The following SORL1 variants were observed in gnomAD, a reference collection of about 807,000 sequenced individuals.
The protein encoded by SORL1 is sortilin-related receptor.
A neutral mutation model predicts 273.7 loss-of-function variants in SORL1; 127 were observed. That is an observed-to-expected ratio of 0.46 (90% CI 0.40 to 0.54). SORL1 has a LOEUF of 0.54. Ranked by LOEUF, SORL1 falls within the 20% of genes least tolerant of loss-of-function variation. The pLI is 0.00. For missense variants in SORL1, 2,494 were observed against 2,846.1 expected, an observed-to-expected ratio of 0.88 and a Z score of 2.81; for synonymous variants, 1,031 against 1,067.4, an observed-to-expected ratio of 0.97 and a Z score of 0.66.
In SORL1 at chr11:121,607,959, C is replaced by G. The variant is rs183625857; in HGVS notation, c.5167-145C>G. On this transcript the variant is annotated intron_variant, in intron 37 of 47. Coordinates refer to ENST00000260197, the MANE Select transcript of SORL1 (RefSeq NM_003105.6). ...GCCCTCTTATTTCAGATGCTGGGGC[C>G]TCTGAATATTCTGGATCACTCTGTA... 2.1e-3 allele frequency: 1,265 copies of G among 613,040 alleles called. 4 individuals are homozygous for G. The highest frequency in any genetic ancestry group is 3.9e-3 in the Admixed American group (121 of 30,750). The allele number at this position is 613,040 out of a possible 1,614,324, so 38.0% of individuals were successfully genotyped here.
chr11:121,523,303 G>A (rs1292812630), intron 11 of SORL1, among the ~76,000 whole-genome samples: 1 of 152,142 alleles, frequency 6.6e-6, no homozygotes, highest in African/African-American at 2.4e-5. Context: ...GGCATGGAGT[G>A]GGGGCTCAGG....
chr11:121,488,965 A>AG (rs1348531985), intron 4 of SORL1, among the ~76,000 whole-genome samples: 1 of 152,198 alleles, frequency 6.6e-6, no homozygotes, highest in Non-Finnish European at 1.5e-5. Flanking sequence ...GGGCTGGGTC[A>AG]GTTTACCAGC....
At position 121,620,967 on chromosome 11, in the gene SORL1, C is replaced by T; in HGVS notation, c.5890-97C>T. The T allele has an allele frequency of 2.3e-6, 2 of 867,850 alleles. 1 individual carries two copies. The highest frequency in any genetic ancestry group is 3.6e-5 in the South Asian group (2 of 55,832). 53.8% of individuals were successfully genotyped at this position (867,850 alleles called of 1,614,324 possible). On this transcript the variant is annotated intron_variant, in intron 43 of 47. Coordinates refer to ENST00000260197, the MANE Select transcript of SORL1 (RefSeq NM_003105.6). ...ACTCAAACTCTTGTTGCTGTGGGTC[C>T]CAGCTATTAATATACTACATTGTCC...
intron 25 of SORL1, among the ~76,000 whole-genome samples, chr11:121,580,454 T>C (rs1028352407): frequency 2.0e-5 from 3 of 152,192 alleles, no homozygotes; most frequent in Admixed American, 6.5e-5. Flanking sequence ...TTTCCATGAG[T>C]ATACGTTTTG....
intron 6 of SORL1, among the ~76,000 whole-genome samples, chr11:121,509,823 C>G (rs1177479698): frequency 6.6e-6 from 1 of 152,160 alleles, no homozygotes; most frequent in Non-Finnish European, 1.5e-5. Flanking sequence ...TAAAAAAAAT[C>G]TTCTTATAAA....
chr11:121,493,720 G>T (rs540087909), intron 5 of SORL1, among the ~76,000 whole-genome samples: 2 of 152,220 alleles, frequency 1.3e-5, no homozygotes, highest in Non-Finnish European at 2.9e-5. Flanking sequence ...ACTTTTACTT[G>T]TAATTTTAGT....
rs12275451 is a variant in SORL1, at chr11:121,559,972, A to C, written c.3049+315A>C. On this transcript the variant is annotated intron_variant, in intron 21 of 47. Coordinates refer to ENST00000260197, the MANE Select transcript of SORL1 (RefSeq NM_003105.6). ...GCTGGGAGAGTCCTAACATGTGCTT[A>C]ATCCCTGTTTGGCATGCTTGCAGGA... Among the ~76,000 whole-genome samples, 1,284 of 152,182 alleles carry C rather than the reference A, an allele frequency of 8.4e-3. 15 individuals are homozygous for C. Among genetic ancestry groups the C allele is most frequent in the African/African-American group, 0.028 (1,171 of 41,518 alleles).
intron 27 of SORL1, among the ~76,000 whole-genome samples, chr11:121,587,668 T>C (rs1394948689): frequency 6.6e-6 from 1 of 152,222 alleles, no homozygotes; most frequent in Non-Finnish European, 1.5e-5. Flanking sequence ...TCAGTATCTA[T>C]TAATCATGCT....
chr11:121,567,132 T>C lies in SORL1; in HGVS notation c.3223+19T>C. ...AAACAAGGTACTTCCCTTTTTCTTT[T>C]TTGCCTGTCATCCTCCTTCCTTTGT... is the stretch of plus-strand genomic sequence containing the variant. On this transcript the variant is annotated intron_variant, in intron 22 of 47. Transcript: ENST00000260197. 6.2e-7 allele frequency: 1 copy of C among 1,602,802 alleles called. No homozygotes were observed. The highest frequency in any genetic ancestry group is 8.5e-7 in the Non-Finnish European group (1 of 1,172,764).
At chr11:121,543,861 C>T in intron 13 of SORL1, 135 bp downstream of exon 13, 1 of 735,758 alleles carries the variant, frequency 1.4e-6, no homozygotes, top group East Asian at 2.7e-5. Flanking sequence ...TAAGAGTTAG[C>T]AAAAAGCATA....
At chr11:121,537,687 A>G (rs532934067) in intron 12 of SORL1, among the ~76,000 whole-genome samples, 1 of 152,248 alleles carries the variant, frequency 6.6e-6, no homozygotes, top group Admixed American at 6.5e-5. Flanking sequence ...ATTTCTATTA[A>G]TGGGGAATTT....
chr11:121,478,007 G>A (rs1478266619), intron 2 of SORL1, 111 bp from the exon 3 acceptor site: 11 of 1,245,804 alleles, frequency 8.8e-6, no homozygotes, highest in East Asian at 2.4e-5. Context: ...ACTGCAGCCC[G>A]GGCAAAAAGA....
intron 27 of SORL1, among the ~76,000 whole-genome samples, 175 bp downstream of exon 27, chr11:121,586,504 G>A (rs1863112493): frequency 5.9e-5 from 9 of 152,292 alleles, no homozygotes; most frequent in Admixed American, 5.9e-4. Flanking sequence ...CAGAGAGACA[G>A]GGTTTGGTTA....
chr11:121,593,929 G>A (rs1172355507), intron 31 of SORL1, among the ~76,000 whole-genome samples: 3 of 152,172 alleles, frequency 2.0e-5, no homozygotes, highest in Non-Finnish European at 4.4e-5. Context: ...CTGAGAAAAT[G>A]TATGTGGGAG....
chr11:121,560,979 T>G (rs2134912754), intron 21 of SORL1, among the ~76,000 whole-genome samples: 1 of 152,234 alleles, frequency 6.6e-6, no homozygotes, highest in East Asian at 1.9e-4. Context: ...ATCAGGAGAG[T>G]TGAAGGAATC....
At chr11:121,497,845 G>A (rs1190778445) in intron 6 of SORL1, among the ~76,000 whole-genome samples, 1 of 152,122 alleles carries the variant, frequency 6.6e-6, no homozygotes, top group Non-Finnish European at 1.5e-5. Context: ...TTGCTAACTG[G>A]GAGGTTACTC....
chr11:121,579,192 AG>A (rs1166304595), intron 25 of SORL1, among the ~76,000 whole-genome samples: 1 of 152,196 alleles, frequency 6.6e-6, no homozygotes, highest in Non-Finnish European at 1.5e-5. Flanking sequence ...GGCAAACTGG[AG>A]AAAACTTAAG....
intron 6 of SORL1, among the ~76,000 whole-genome samples, chr11:121,507,101 T>G (rs1298363996): frequency 6.6e-6 from 1 of 152,222 alleles, no homozygotes; most frequent in East Asian, 1.9e-4. Context: ...ATTGTGTCCC[T>G]GCTTTTGTGC....
At position 121,555,321 on chromosome 11, in the gene SORL1, A is replaced by G. The variant is rs748747416; in HGVS notation, c.2571+3A>G. 16 of 1,613,502 alleles carry G rather than the reference A, an allele frequency of 9.9e-6. No homozygotes were observed. In the South Asian group the frequency reaches 1.8e-4, roughly 18 times the overall value. On this transcript the variant is annotated splice_donor_region_variant and intron_variant, in intron 18 of 47. Coordinates refer to ENST00000260197, the MANE Select transcript of SORL1 (RefSeq NM_003105.6). ...ATGCAGGCTTCAAAAAGATTGAGGT[A>G]TGTGTATTTTCGTGCTGTTCTTAAT...
Sources: gnomAD v4.1 joint callset for allele counts (sites outside exome capture counted in the v4.1 genomes callset) on GRCh38, gnomAD v4.1.1 for gene constraint, MANE v1.5 for transcripts, NCBI Gene and HGNC (gene_info 2026-07-23, HGNC 2026-07-21) for gene names.